KIAA0825: variants seen among roughly 807,000 people sequenced by gnomAD.
KIAA0825 encodes uncharacterized protein KIAA0825.
In KIAA0825, 119 loss-of-function variants were observed where a neutral mutation model predicts 147.6. The observed-to-expected ratio is 0.81, with a 90% CI of 0.69 to 0.94. The LOEUF is 0.94. Ranked by LOEUF, KIAA0825 falls within the 40% of genes least tolerant of loss-of-function variation. The pLI, the probability that KIAA0825 is intolerant of heterozygous loss-of-function variation, is 0.00. For synonymous variants in KIAA0825, 470 were observed against 518.1 expected (o/e 0.91, Z 1.26); for missense variants, 1,381 against 1,472.7 (o/e 0.94, Z 1.02).
At chr5:94,291,108 C>T (rs895838159) in intron 20 of KIAA0825, among the ~76,000 whole-genome samples, 11 of 152,258 alleles carry the variant, frequency 7.2e-5, no homozygotes, top group Admixed American at 6.5e-5. Flanking sequence ...ATGATAGTTT[C>T]TTTTGCTGTG....
intron 1 of KIAA0825, among the ~76,000 whole-genome samples, chr5:94,617,087 T>A (rs1790727216): frequency 6.6e-6 from 1 of 152,212 alleles, no homozygotes; most frequent in South Asian, 2.1e-4. Flanking sequence ...TTTCTTTTTT[T>A]ATTAAACATT....
intron 20 of KIAA0825, among the ~76,000 whole-genome samples, chr5:94,328,854 TAA>T (rs1359624734): frequency 6.6e-6 from 1 of 152,038 alleles, no homozygotes; most frequent in Non-Finnish European, 1.5e-5. Context: ...ATAACAAATA[TAA>T]GTCCTCCTGT....
Position 94,616,663 on chromosome 5 carries a change from T to C in KIAA0825, c.-153+1837A>G, listed in dbSNP as rs553404148. On this transcript the variant is annotated intron_variant, in intron 1 of 20. Transcript: ENST00000682413. ...GCTTGCTGATGGTCTCCAGATCTTC[T>C]GCATTTGCCCCAAGTGTTATGCTAA... 4.1e-4 allele frequency among the ~76,000 whole-genome samples: 63 copies of C among 152,346 alleles called. 1 individual carries two copies. The South Asian group carries it at 8.3e-3, about 20-fold the overall frequency.
At chr5:94,593,787 G>T in intron 1 of KIAA0825, 1 of 336,970 alleles carries the variant, frequency 3.0e-6, no homozygotes. Flanking sequence ...AAAGTAGGGA[G>T]TTTTTTTGTG....
chr5:94,157,650 T>G (rs1169292672), intron 20 of KIAA0825, among the ~76,000 whole-genome samples: 1 of 151,602 alleles, frequency 6.6e-6, no homozygotes, highest in African/African-American at 2.4e-5. Flanking sequence ...TATAGAGCTT[T>G]TCCATGTGCC....
rs546779914 is a variant in KIAA0825, at chr5:94,420,841, T to A, written c.2498-3476A>T. Among the ~76,000 whole-genome samples the A allele has an allele frequency of 3.0e-4, 45 of 152,268 alleles. 1 individual carries two copies. In the South Asian group the frequency reaches 9.1e-3, roughly 31 times the overall value. On this transcript the variant is annotated intron_variant, in intron 14 of 20. Transcript: ENST00000682413. ...AGGAAGGAAGGGAGAAAGAAATACA[T>A]CTCTTGAGTATTTTGTGATAGGTTT...
chr5:94,556,091 T>C (rs1219227611), intron 2 of KIAA0825, among the ~76,000 whole-genome samples: 3 of 151,960 alleles, frequency 2.0e-5, no homozygotes, highest in African/African-American at 2.4e-5. Flanking sequence ...CTCACTCTGT[T>C]GCCCAGGCTG....
chr5:94,482,403 T>C (rs915522849), intron 6 of KIAA0825, among the ~76,000 whole-genome samples: 4 of 152,112 alleles, frequency 2.6e-5, no homozygotes, highest in Non-Finnish European at 5.9e-5. Context: ...CGTAGGCAAC[T>C]CTTTCCAAGA....
intron 1 of KIAA0825, among the ~76,000 whole-genome samples, chr5:94,614,309 T>C (rs1051671697): frequency 6.6e-6 from 1 of 152,192 alleles, no homozygotes; most frequent in African/African-American, 2.4e-5. Flanking sequence ...CCACTCTTCC[T>C]TTCTCTTTCC....
rs145442323 is a variant in KIAA0825 at position 94,309,513 on chromosome 5, T to C, written c.3710+74855A>G. On this transcript the variant is annotated intron_variant, in intron 20 of 20. Transcript: ENST00000682413. ...AAAAATGCACATGTTAAATCCAAAA[T>C]GAGTAGCACACTCAGTGCTATGCTG... 1.1e-4 allele frequency among the ~76,000 whole-genome samples: 16 copies of C among 151,796 alleles called. No individual in the cohort carries two copies. In the East Asian group the frequency reaches 2.9e-3, roughly 28 times the overall value.
At chr5:94,533,784 T>C (rs1055413258) in intron 3 of KIAA0825, among the ~76,000 whole-genome samples, 1 of 152,246 alleles carries the variant, frequency 6.6e-6, no homozygotes, top group African/African-American at 2.4e-5. Context: ...TGATTCATCA[T>C]CACTAATTTC....
At chr5:94,420,070 G>C (rs1318376369) in intron 14 of KIAA0825, among the ~76,000 whole-genome samples, 1 of 152,034 alleles carries the variant, frequency 6.6e-6, no homozygotes, top group East Asian at 1.9e-4. Context: ...ACAAGATCAA[G>C]GTGGGGGGTA....
rs561688770 is a variant in KIAA0825, at chr5:94,220,905, A to C, written c.3711-66781T>G. On this transcript the variant is annotated intron_variant, in intron 20 of 20. Transcript: ENST00000682413. ...AAAACTATTAATATTAACCTATTTT[A>C]ACCATCACAGCAGACCTGGAAACAT... 2.0e-5 allele frequency among the ~76,000 whole-genome samples: 3 copies of C among 152,300 alleles called. No individual in the cohort carries two copies. The East Asian group carries it at 5.8e-4, about 29-fold the overall frequency.
intron 17 of KIAA0825, among the ~76,000 whole-genome samples, chr5:94,393,101 C>T (rs536504706): frequency 6.6e-6 from 1 of 152,254 alleles, no homozygotes; most frequent in East Asian, 1.9e-4. Context: ...CTGTCCATCA[C>T]TGTGCAGGTG....
At chr5:94,565,009 C>CCTCTCT (rs147820367) in intron 2 of KIAA0825, among the ~76,000 whole-genome samples, 5 of 116,744 alleles carry the variant, frequency 4.3e-5, no homozygotes, top group Non-Finnish European at 7.0e-5. Flanking sequence ...TCTCTCTCTC[C>CCTCTCT]CTCTCTCTCT....
At chr5:94,369,053 G>A (rs888392513) in intron 20 of KIAA0825, among the ~76,000 whole-genome samples, 4 of 152,112 alleles carry the variant, frequency 2.6e-5, no homozygotes, top group Admixed American at 2.6e-4. Flanking sequence ...AGCTATTCAG[G>A]AGGTTGAGGA....
chr5:94,383,135 T>C (rs1748650169), intron 20 of KIAA0825, among the ~76,000 whole-genome samples: 2 of 152,144 alleles, frequency 1.3e-5, no homozygotes, highest in Non-Finnish European at 2.9e-5. Flanking sequence ...GACTTGTGTA[T>C]GAATAGGGTA....
At chr5:94,469,223 T>A (rs1401169643) in intron 10 of KIAA0825, among the ~76,000 whole-genome samples, 2 of 151,652 alleles carry the variant, frequency 1.3e-5, no homozygotes, top group Non-Finnish European at 2.9e-5. Flanking sequence ...CAGGCTGGAG[T>A]GCAGTGGCTG....
intron 16 of KIAA0825, among the ~76,000 whole-genome samples, chr5:94,398,333 T>C (rs902853632): frequency 1.3e-5 from 2 of 152,178 alleles, no homozygotes; most frequent in African/African-American, 4.8e-5. Flanking sequence ...GATCAGTCTC[T>C]TGAGCCTTGC....
Sources: gnomAD v4.1 joint callset for allele counts (sites outside exome capture counted in the v4.1 genomes callset) on GRCh38, gnomAD v4.1.1 for gene constraint, MANE v1.5 for transcripts, NCBI Gene and HGNC (gene_info 2026-07-23, HGNC 2026-07-21) for gene names.